The following GABRG3 variants were observed in gnomAD, a reference collection of about 807,000 sequenced individuals.
GABRG3 encodes gamma-aminobutyric acid type A receptor subunit gamma3.
Under a neutral mutation model 48.8 loss-of-function variants are expected in GABRG3, and 25 were observed. The observed-to-expected ratio is 0.51, with a 90% CI of 0.37 to 0.72. GABRG3 has a LOEUF of 0.72. GABRG3 is among the 30% of genes least tolerant of loss of function. GABRG3 has a pLI of 0.00. For synonymous variants in GABRG3, 227 were observed against 217.6 expected, an observed-to-expected ratio of 1.04 and a Z score of -0.38; for missense variants, 394 against 577.9, an observed-to-expected ratio of 0.68 and a Z score of 3.26.
At chr15:27,351,102 T>C (rs1441651067) in intron 5 of GABRG3, among the ~76,000 whole-genome samples, 2 of 150,906 alleles carry the variant, frequency 1.3e-5, no homozygotes, top group African/African-American at 4.9e-5. Context: ...GTATGGTGTG[T>C]GTGTATGGTG....
At chr15:27,036,850 C>T (rs7173657) in intron 3 of GABRG3, among the ~76,000 whole-genome samples, 1 of 151,622 alleles carries the variant, frequency 6.6e-6, no homozygotes, top group Non-Finnish European at 1.5e-5. Flanking sequence ...AAAAGGTATA[C>T]GTTGAGTCTC....
intron 2 of GABRG3, among the ~76,000 whole-genome samples, chr15:27,003,925 C>A (rs1295292489): frequency 2.8e-5 from 4 of 144,326 alleles, no homozygotes; most frequent in Admixed American, 1.4e-4. Context: ...CCAGTAGGGG[C>A]GGCCGGGCAG....
At chr15:27,219,695 G>C (rs1889389566) in intron 3 of GABRG3, among the ~76,000 whole-genome samples, 5 of 152,226 alleles carry the variant, frequency 3.3e-5, no homozygotes, top group Admixed American at 3.3e-4. Context: ...CCACTGTTGG[G>C]TGTGCCTAAC....
chr15:27,227,559 C>T (rs1352586076), intron 3 of GABRG3, among the ~76,000 whole-genome samples: 1 of 152,112 alleles, frequency 6.6e-6, no homozygotes, highest in Non-Finnish European at 1.5e-5. Flanking sequence ...TGGTGGCATG[C>T]ACCTGTAGTC....
chr15:27,346,779 T>A (rs1362062900), intron 5 of GABRG3, among the ~76,000 whole-genome samples: 1 of 151,344 alleles, frequency 6.6e-6, no homozygotes, highest in African/African-American at 2.5e-5. Context: ...TTCATTTATA[T>A]CATTTCCTTC....
At chr15:27,196,215 G>A (rs1595579248) in intron 3 of GABRG3, among the ~76,000 whole-genome samples, 1 of 152,110 alleles carries the variant, frequency 6.6e-6, no homozygotes, top group East Asian at 1.9e-4. Context: ...TCTTTTGTCT[G>A]ATTTCCTCTT....
At chr15:27,101,420 A>G (rs1408900561) in intron 3 of GABRG3, among the ~76,000 whole-genome samples, 1 of 152,212 alleles carries the variant, frequency 6.6e-6, no homozygotes, top group East Asian at 1.9e-4. Flanking sequence ...AATTCCTACC[A>G]AAATCCAGAC....
rs1427624207 is a variant in GABRG3 at position 27,352,907 on chromosome 15, A to G, written c.574+24019A>G. 6.6e-6 allele frequency among the ~76,000 whole-genome samples: 1 copy of G among 152,176 alleles called. No homozygotes were observed. The highest frequency in any genetic ancestry group is 1.5e-5 in the Non-Finnish European group (1 of 68,040). On this transcript the variant is annotated intron_variant, in intron 5 of 9. Coordinates refer to ENST00000615808, the MANE Select transcript of GABRG3 (RefSeq NM_033223.5). This position sits in a 1 kb window ranked among gnomAD's most constrained non-coding sequence, Gnocchi z 4.0. ...TAAGTCATTGCATCTGCATTATCTT[A>G]TCATCACGATTGCTGACAATGAGCC...
chr15:27,158,822 C>G (rs563989363), intron 3 of GABRG3, among the ~76,000 whole-genome samples: 76 of 152,268 alleles, frequency 5.0e-4, no homozygotes, highest in African/African-American at 1.7e-3. Flanking sequence ...CATCTTACAG[C>G]TGAAATTTTT....
At chr15:27,449,860 ATGCT>A (rs1225009505) in intron 5 of GABRG3, among the ~76,000 whole-genome samples, 1 of 152,228 alleles carries the variant, frequency 6.6e-6, no homozygotes, top group African/African-American at 2.4e-5. Context: ...GTGTTCTCAA[ATGCT>A]TGCTGCACTC....
chr15:27,240,781 T>C (rs1275898972), intron 3 of GABRG3, among the ~76,000 whole-genome samples: 1 of 152,156 alleles, frequency 6.6e-6, no homozygotes, highest in East Asian at 1.9e-4. Context: ...GTATTTTCTA[T>C]TATTATGATA....
At chr15:26,991,271 G>A (rs1895242793) in intron 2 of GABRG3, among the ~76,000 whole-genome samples, 1 of 152,048 alleles carries the variant, frequency 6.6e-6, no homozygotes, top group Admixed American at 6.5e-5. Flanking sequence ...CTGTTCCATT[G>A]GTTTATGTGT....
intron 2 of GABRG3, among the ~76,000 whole-genome samples, chr15:26,984,742 T>C (rs567087791): frequency 6.6e-6 from 1 of 151,884 alleles, no homozygotes; most frequent in Admixed American, 6.6e-5. Context: ...TCCTTCAGGG[T>C]TTCAAGAAAC....
intron 5 of GABRG3, among the ~76,000 whole-genome samples, chr15:27,341,802 T>C (rs1018217249): frequency 6.6e-6 from 1 of 152,162 alleles, no homozygotes; most frequent in Non-Finnish European, 1.5e-5. Flanking sequence ...GAGTGTGAGA[T>C]GTACACGGCT....
At chr15:27,376,769 G>A (rs538900598) in intron 5 of GABRG3, among the ~76,000 whole-genome samples, 23 of 152,254 alleles carry the variant, frequency 1.5e-4, no homozygotes, top group Non-Finnish European at 3.1e-4. Flanking sequence ...GCCTATCATG[G>A]GAGGGGCTGT....
chr15:27,002,915 C>T (rs188066847), intron 2 of GABRG3, among the ~76,000 whole-genome samples: 113 of 151,830 alleles, frequency 7.4e-4, no homozygotes, highest in African/African-American at 2.4e-3. Flanking sequence ...CAGTGAGCTA[C>T]GATTGCATCA....
chr15:27,357,568 TAACTC>T (rs375829001), intron 5 of GABRG3, among the ~76,000 whole-genome samples: 388 of 152,314 alleles, frequency 2.5e-3, no homozygotes, highest in African/African-American at 8.4e-3. Context: ...TCTAAAAAAA[TAACTC>T]TATTATACCA....
intron 3 of GABRG3, among the ~76,000 whole-genome samples, chr15:27,294,065 A>G (rs1340405870): frequency 6.6e-6 from 1 of 152,114 alleles, no homozygotes; most frequent in Non-Finnish European, 1.5e-5. Flanking sequence ...AGTATGAAAC[A>G]CTTGAGGGAG....
At chr15:27,032,380 A>T (rs1262878067) in intron 3 of GABRG3, among the ~76,000 whole-genome samples, 1 of 152,138 alleles carries the variant, frequency 6.6e-6, no homozygotes, top group African/African-American at 2.4e-5. Context: ...CTGATGTATT[A>T]GTCTGTTTGT....
Sources: gnomAD v4.1 joint callset for allele counts (sites outside exome capture counted in the v4.1 genomes callset) on GRCh38, gnomAD v4.1.1 for gene constraint, Gnocchi (gnomAD v3.1) non-coding constraint, MANE v1.5 for transcripts, NCBI Gene and HGNC (gene_info 2026-07-23, HGNC 2026-07-21) for gene names.